FOXK1: variants seen among roughly 807,000 people sequenced by gnomAD.
FOXK1 encodes forkhead box protein K1.
Under a neutral mutation model 51.9 loss-of-function variants are expected in FOXK1, and 19 were observed. The ratio of observed to expected loss-of-function variants is 0.37; its 90% CI spans 0.26 to 0.54. The LOEUF is 0.54. Among genes scored for constraint, FOXK1 ranks in the 20% least tolerant of loss-of-function variants. FOXK1 has a pLI of 0.87. For missense variants in FOXK1, 870 were observed against 1,032.7 expected, an observed-to-expected ratio of 0.84 and a Z score of 2.16; for synonymous variants, 537 against 482.6, an observed-to-expected ratio of 1.11 and a Z score of -1.48.
Position 4,707,414 on chromosome 7 carries a change from A to C in FOXK1, c.560+24546A>C, listed in dbSNP as rs138273033. On this transcript the variant is annotated intron_variant, in intron 1 of 8. Coordinates refer to ENST00000328914, the MANE Select transcript of FOXK1 (RefSeq NM_001037165.2). The surrounding 1 kb of genome is among the most constrained non-coding windows in gnomAD (Gnocchi z 4.1). ...TACATCCGGCAATGCTGCTGAAAGC[A>C]GGCCTCTCCCTGGGCGGGCTTTCCG... Among the ~76,000 whole-genome samples, 1,095 of 152,344 alleles carry C rather than the reference A, an allele frequency of 7.2e-3. 20 individuals carry two copies. Among genetic ancestry groups the C allele is most frequent in the African/African-American group, 0.025 (1,040 of 41,578 alleles).
At position 4,692,766 on chromosome 7, in the gene FOXK1, A is replaced by T. The variant is rs191016725; in HGVS notation, c.560+9898A>T. ...TTTTGAGACAGTGTCTTGCTCTGTC[A>T]CCCAGGCTAGAGTGCAGTGGTGCAA... On this transcript the variant is annotated intron_variant, in intron 1 of 8. Coordinates refer to ENST00000328914, the MANE Select transcript of FOXK1 (RefSeq NM_001037165.2). 1.0e-4 allele frequency among the ~76,000 whole-genome samples: 15 copies of T among 150,628 alleles called. No individual in the cohort carries two copies. The East Asian group carries it at 3.0e-3, about 30-fold the overall frequency.
rs1201288787 is a variant in FOXK1 at position 4,749,207 on chromosome 7, C to T, written c.747-5252C>T. Among the ~76,000 whole-genome samples, 1 of 152,132 alleles carries T rather than the reference C, an allele frequency of 6.6e-6. No individual in the cohort carries two copies. Among genetic ancestry groups the T allele is most frequent in the Non-Finnish European group, 1.5e-5 (1 of 68,020 alleles). ...GTGCTTTGCATGCTGTTCTTACTGT[C>T]CTACAGAGACGGCATCGTTACCTCC... On this transcript the variant is annotated intron_variant, in intron 2 of 8. Coordinates refer to ENST00000328914, the MANE Select transcript of FOXK1 (RefSeq NM_001037165.2). This position sits in a 1 kb window ranked among gnomAD's most constrained non-coding sequence, Gnocchi z 6.0.
At position 4,762,039 on chromosome 7, in the gene FOXK1, C is replaced by CAG. The variant is rs1451252585; in HGVS notation, c.1922-142_1922-141dup. 1 of 929,676 alleles carries CAG rather than the reference C, an allele frequency of 1.1e-6. No individual in the cohort carries two copies. Among genetic ancestry groups the CAG allele is most frequent in the African/African-American group, 1.7e-5 (1 of 59,730 alleles). The allele number at this position is 929,676 out of a possible 1,614,324, so 57.6% of individuals were successfully genotyped here. A position where few individuals can be genotyped will look rare whatever the true frequency, so the allele number is the denominator to read the frequency against. ...AGGGGACGGCAGGGCCCGCAGGGAG[C>CAG]AGAGCAAGGGTAGCCGTCCTGCCTG... On this transcript the variant is annotated intron_variant, in intron 8 of 8. Coordinates refer to ENST00000328914, the MANE Select transcript of FOXK1 (RefSeq NM_001037165.2). This position sits in a 1 kb window ranked among gnomAD's most constrained non-coding sequence, Gnocchi z 5.7.
Position 4,682,887 on chromosome 7 carries a change from C to T in FOXK1, c.560+19C>T. ...CCAAGCAGTGAGTGGCCCCGCGACC[C>T]CCGCCGCCCGCACCCGGGGCTCGCC... On this transcript the variant is annotated intron_variant, in intron 1 of 8. Coordinates refer to ENST00000328914, the MANE Select transcript of FOXK1 (RefSeq NM_001037165.2). The surrounding 1 kb of genome is among the most constrained non-coding windows in gnomAD (Gnocchi z 7.6). 6.9e-6 allele frequency: 10 copies of T among 1,441,146 alleles called. No individual in the cohort carries two copies. Among genetic ancestry groups the T allele is most frequent in the Non-Finnish European group, 9.1e-6 (10 of 1,095,024 alleles). The allele number at this position is 1,441,146 out of a possible 1,614,324, so 89.3% of individuals were successfully genotyped here. A position where few individuals can be genotyped will look rare whatever the true frequency, so the allele number is the denominator to read the frequency against.
At chr7:4,687,134 G>A (rs749776693) in intron 1 of FOXK1, among the ~76,000 whole-genome samples, 8 of 151,450 alleles carry the variant, frequency 5.3e-5, no homozygotes, top group East Asian at 2.0e-4. Flanking sequence ...GGGTTTCACC[G>A]TGTTAGCCAG....
At chr7:4,698,484 C>T (rs1390751092) in intron 1 of FOXK1, among the ~76,000 whole-genome samples, 1 of 152,060 alleles carries the variant, frequency 6.6e-6, no homozygotes, top group African/African-American at 2.4e-5. Flanking sequence ...TAATCACAGT[C>T]TGTTATTAAA....
Position 4,771,342 on chromosome 7 carries a change from C to G in FOXK1, c.*8878C>G, listed in dbSNP as rs1485984207. ...TTGTTTTTCATTTATTTTAACTGTT[C>G]TTTTATCTATTAAATTGTTGTATGT... On this transcript the variant is annotated 3_prime_UTR_variant, in exon 9 of 9. Coordinates refer to ENST00000328914, the MANE Select transcript of FOXK1 (RefSeq NM_001037165.2). 1 of 152,456 alleles carries G rather than the reference C, an allele frequency of 6.6e-6. No homozygotes were observed. Among genetic ancestry groups the G allele is most frequent in the African/African-American group, 2.4e-5 (1 of 41,360 alleles). 9.4% of individuals were successfully genotyped at this position (152,456 alleles called of 1,614,324 possible).
At chr7:4,712,273 T>G (rs1240089402) in intron 1 of FOXK1, among the ~76,000 whole-genome samples, 4 of 152,106 alleles carry the variant, frequency 2.6e-5, no homozygotes, top group Non-Finnish European at 5.9e-5. Context: ...AACGATTTAC[T>G]CCGGCACTTG....
In FOXK1 at chr7:4,753,456, C is replaced by G. The variant is rs1780804370; in HGVS notation, c.747-1003C>G. The stretch of plus-strand genomic sequence containing the variant: ...GGATGGTTCTGGGTGGCCTGCAGGG[C>G]AGTGCAGCAGGGAGCATCCTACCCG... On this transcript the variant is annotated intron_variant, in intron 2 of 8. Transcript: ENST00000328914. This position sits in a 1 kb window ranked among gnomAD's most constrained non-coding sequence, Gnocchi z 4.9. Among the ~76,000 whole-genome samples the G allele has an allele frequency of 6.6e-6, 1 of 151,946 alleles. No individual in the cohort carries two copies. The highest frequency in any genetic ancestry group is 1.5e-5 in the Non-Finnish European group (1 of 67,974).
intron 2 of FOXK1, among the ~76,000 whole-genome samples, chr7:4,752,850 T>A (rs1289765556): frequency 6.6e-6 from 1 of 152,226 alleles, no homozygotes; most frequent in Non-Finnish European, 1.5e-5. Context: ...AGGTGTTTGG[T>A]TCCCAGAGGC....
In FOXK1 at chr7:4,745,542, C is replaced by T. The variant is rs1314887764; in HGVS notation, c.746+4519C>T. ...GTACTCCACCCAGAAAATGAATGAA[C>T]TCTCTTTGAAATAAATTCTGCTATC... On this transcript the variant is annotated intron_variant, in intron 2 of 8. Transcript: ENST00000328914. This position sits in a 1 kb window ranked among gnomAD's most constrained non-coding sequence, Gnocchi z 4.3. Among the ~76,000 whole-genome samples, 1 of 152,124 alleles carries T rather than the reference C, an allele frequency of 6.6e-6. No individual in the cohort carries two copies. The highest frequency in any genetic ancestry group is 1.5e-5 in the Non-Finnish European group (1 of 68,038).
chr7:4,761,437 A>G lies in FOXK1; in HGVS notation c.1921+149A>G. On this transcript the variant is annotated intron_variant, in intron 8 of 8. Coordinates refer to ENST00000328914, the MANE Select transcript of FOXK1 (RefSeq NM_001037165.2). This position sits in a 1 kb window ranked among gnomAD's most constrained non-coding sequence, Gnocchi z 6.2. ...CTGCTATACTCCAGGCACTGGGGTA[A>G]TGCAAAGAAAAAGAGGGTGGAAGGG... is the stretch of plus-strand genomic sequence containing the variant. The G allele has an allele frequency of 1.1e-6, 1 of 883,502 alleles. No individual in the cohort carries two copies. The highest frequency in any genetic ancestry group is 1.7e-6 in the Non-Finnish European group (1 of 581,550). The allele number at this position is 883,502 out of a possible 1,614,324, so 54.7% of individuals were successfully genotyped here. A position where few individuals can be genotyped will look rare whatever the true frequency, so the allele number is the denominator to read the frequency against.
rs111595744 is a variant in FOXK1 at position 4,709,063 on chromosome 7, C to CA, written c.560+26211dup. 0.22 allele frequency among the ~76,000 whole-genome samples: 13,928 copies of CA among 64,480 alleles called. 1,291 individuals are homozygous for CA. The highest frequency in any genetic ancestry group is 0.39 in the African/African-American group (8,381 of 21,560). 42.3% of individuals were successfully genotyped at this position (64,480 alleles called of 152,430 possible). The stretch of plus-strand genomic sequence containing the variant: ...CTGGGCAATGAGCGAGACTCTGTCT[C>CA]AAAAAAAAAAAAAAAAGAAAAGAAA... On this transcript the variant is annotated intron_variant, in intron 1 of 8. Transcript: ENST00000328914. The surrounding 1 kb of genome is among the most constrained non-coding windows in gnomAD (Gnocchi z 5.6).
In FOXK1 at chr7:4,755,286, TCTC is replaced by T; in HGVS notation, c.958_960del (p.Ser320del). 1 of 1,613,902 alleles carries T rather than the reference TCTC, an allele frequency of 6.2e-7. No individual in the cohort carries two copies. The highest frequency in any genetic ancestry group is 8.5e-7 in the Non-Finnish European group (1 of 1,179,994). On this transcript the variant is annotated inframe_deletion, in exon 4 of 9. Transcript: ENST00000328914. This position sits in a 1 kb window ranked among gnomAD's most constrained non-coding sequence, Gnocchi z 6.6. ...TACGCGCAGCTGATCGTGCAGGCCA[TCTC>T]CTCCGCCCAGGACCGGCAGCTGACC...
At chr7:4,719,002 T>A (rs540191190) in intron 1 of FOXK1, among the ~76,000 whole-genome samples, 86 of 152,146 alleles carry the variant, frequency 5.7e-4, no homozygotes, top group Admixed American at 3.1e-3. Flanking sequence ...AGAGACGGGG[T>A]TGCACCATGT....
chr7:4,688,391 T>G (rs1779847528), intron 1 of FOXK1, among the ~76,000 whole-genome samples: 1 of 151,900 alleles, frequency 6.6e-6, no homozygotes, highest in Admixed American at 6.6e-5. Flanking sequence ...TTTCTTTTCT[T>G]TTCTTTTTTT....
chr7:4,737,530 A>G (rs10262715), intron 1 of FOXK1, among the ~76,000 whole-genome samples: 104,340 of 150,734 alleles, frequency 0.69, 37,399 homozygotes, highest in African/African-American at 0.88. Context: ...GCATGTGTGC[A>G]TTCATGCACG....
intron 1 of FOXK1, among the ~76,000 whole-genome samples, chr7:4,687,010 G>T (rs1029107677): frequency 3.3e-5 from 5 of 150,096 alleles, no homozygotes; most frequent in South Asian, 2.1e-4. Context: ...TTGGCTCACC[G>T]CAAGCTCCGC....
rs1780885301 is a variant in FOXK1 at position 4,758,537 on chromosome 7, G to C, written c.1245-514G>C. On this transcript the variant is annotated intron_variant, in intron 5 of 8. Transcript: ENST00000328914. The surrounding 1 kb of genome is among the most constrained non-coding windows in gnomAD (Gnocchi z 4.4). The stretch of plus-strand genomic sequence containing the variant: ...ATTGAAATATCTGAAAATTCATTTC[G>C]AGCACAGGGTCTGGCATTGTGATTC... The C allele has an allele frequency of 6.5e-6, 1 of 153,458 alleles. No individual in the cohort carries two copies. The highest frequency in any genetic ancestry group is 6.5e-5 in the Admixed American group (1 of 15,326). The allele number at this position is 153,458 out of a possible 1,614,324, so 9.5% of individuals were successfully genotyped here.
Sources: allele counts gnomAD v4.1 joint callset (sites outside exome capture counted in the v4.1 genomes callset), GRCh38; gene constraint gnomAD v4.1.1; non-coding constraint Gnocchi (gnomAD v3.1); transcripts MANE v1.5; gene names NCBI Gene and HGNC (gene_info 2026-07-23, HGNC 2026-07-21).